The following ZDHHC15 variants were observed in gnomAD, a reference collection of about 807,000 sequenced individuals.
ZDHHC15 encodes the protein palmitoyltransferase ZDHHC15.
A neutral mutation model predicts 31.7 loss-of-function variants in ZDHHC15; 19 were observed. That is an observed-to-expected ratio of 0.60 (90% CI 0.42 to 0.88). ZDHHC15 has a LOEUF of 0.88. ZDHHC15 is among the 40% of genes least tolerant of loss of function. The probability of loss-of-function intolerance (pLI) is 0.00; values close to 1 mark genes in which losing one functional copy is unlikely to be tolerated. For missense variants in ZDHHC15, 209 were observed against 251.2 expected (o/e 0.83, Z 1.14); for synonymous variants, 103 against 90.0 (o/e 1.14, Z -0.82).
At chrX:75,402,472 T>C (rs1361387207) in intron 10 of ZDHHC15, among the ~76,000 whole-genome samples, 1 of 109,964 alleles carries the variant, frequency 9.1e-6, no homozygotes, top group African/African-American at 3.3e-5. Flanking sequence ...TTTTGAAACA[T>C]TAAAAAAATG....
chrX:75,450,798 T>C lies in ZDHHC15; in HGVS notation c.379+4A>G, dbSNP rs1175660982. The C allele has an allele frequency of 8.3e-7, 1 of 1,208,997 alleles. No individual in the cohort carries two copies. The highest frequency in any genetic ancestry group is 1.7e-5 in the African/African-American group (1 of 57,155). ...CCTCTCTAGCTGCCTTTGGATGAAC[T>C]GACCTCCACTTCCAGTTCTTGTGTA... On this transcript the variant is annotated splice_donor_region_variant and intron_variant, in intron 4 of 11. Coordinates refer to ENST00000373367, the MANE Select transcript of ZDHHC15 (RefSeq NM_144969.3).
chrX:75,484,066 G>C (rs2084737933), intron 2 of ZDHHC15, among the ~76,000 whole-genome samples: 1 of 111,955 alleles, frequency 8.9e-6, no homozygotes, highest in South Asian at 3.7e-4. Context: ...AGAAAACTTA[G>C]ATACCATTTG....
intron 10 of ZDHHC15, among the ~76,000 whole-genome samples, chrX:75,399,284 C>A (rs1235605833): frequency 1.8e-5 from 2 of 111,739 alleles, no homozygotes; most frequent in East Asian, 2.8e-4. Context: ...CAACTGAAAG[C>A]AAAGCCTCTT....
At chrX:75,498,451 T>C (rs867885393) in intron 2 of ZDHHC15, among the ~76,000 whole-genome samples, 5 of 111,892 alleles carry the variant, frequency 4.5e-5, no homozygotes, top group Middle Eastern at 4.6e-3. Flanking sequence ...TGTCTGGATA[T>C]AAAATCAGTG....
intron 2 of ZDHHC15, among the ~76,000 whole-genome samples, chrX:75,485,449 A>G (rs1351239994): frequency 9.0e-6 from 1 of 111,103 alleles, no homozygotes; most frequent in African/African-American, 3.3e-5. Flanking sequence ...AAGCAAAATC[A>G]TGACTCTAAA....
intron 10 of ZDHHC15, among the ~76,000 whole-genome samples, chrX:75,391,157 A>T (rs185337238): frequency 1.3e-4 from 15 of 112,076 alleles, no homozygotes; most frequent in East Asian, 8.4e-4. Context: ...AGGACAGGCT[A>T]CTTGAAAATA....
chrX:75,424,223 T>G (rs1241509128), intron 8 of ZDHHC15, among the ~76,000 whole-genome samples: 1 of 111,114 alleles, frequency 9.0e-6, no homozygotes, highest in Non-Finnish European at 1.9e-5. Flanking sequence ...GTTTGGATTT[T>G]TTCTCAGGGC....
intron 10 of ZDHHC15, among the ~76,000 whole-genome samples, chrX:75,407,196 C>A (rs1047890776): frequency 4.6e-5 from 5 of 108,966 alleles, no homozygotes; most frequent in Admixed American, 3.8e-4. Context: ...CATCTGGGAA[C>A]TGAGGAGTGT....
At chrX:75,475,454 C>A (rs1216538651) in intron 3 of ZDHHC15, among the ~76,000 whole-genome samples, 4 of 111,630 alleles carry the variant, frequency 3.6e-5, no homozygotes, top group African/African-American at 1.3e-4. Context: ...TCCAGTTATC[C>A]CAACACCACT....
At chrX:75,408,197 A>G (rs1168024440) in intron 10 of ZDHHC15, among the ~76,000 whole-genome samples, 10 of 90,281 alleles carry the variant, frequency 1.1e-4, no homozygotes, top group African/African-American at 3.7e-4. Context: ...AACACCCAAG[A>G]ATGATCAATA....
chrX:75,523,017 C>G lies in ZDHHC15; in HGVS notation c.8G>C (p.Arg3Pro), dbSNP rs775854139. The G allele has an allele frequency of 8.3e-7, 1 of 1,206,776 alleles. No homozygotes were observed. Among genetic ancestry groups the G allele is most frequent in the African/African-American group, 1.8e-5 (1 of 57,129 alleles). Residue 3 changes from arginine to proline, a missense_variant, in exon 1 of 12, where the codon CGA becomes CCA. Arg to Pro is a moderately radical substitution (Grantham distance 103, BLOSUM62 -2). Coordinates refer to ENST00000373367, the MANE Select transcript of ZDHHC15 (RefSeq NM_144969.3). MR[R>P]GWKMALSGGL... The stretch of plus-strand genomic sequence containing the variant: ...CCCAGACAGAGCCATCTTCCAGCCT[C>G]GCCGCATCTTTGGCTCGAAGATCGA...
chrX:75,443,218 C>A (rs191142627), intron 4 of ZDHHC15, among the ~76,000 whole-genome samples: 82 of 110,121 alleles, frequency 7.4e-4, no homozygotes, highest in Non-Finnish European at 1.3e-3. Flanking sequence ...AACTCTACTA[C>A]AAGGCTACAG....
At chrX:75,457,645 TCACACACACA>T (rs35992807) in intron 3 of ZDHHC15, among the ~76,000 whole-genome samples, 25 of 93,911 alleles carry the variant, frequency 2.7e-4, no homozygotes, top group Non-Finnish European at 1.3e-4. Context: ...TTATTTACAC[TCACACACACA>T]CACACACACA....
At chrX:75,420,560 G>A (rs1003404864) in intron 9 of ZDHHC15, among the ~76,000 whole-genome samples, 1 of 111,432 alleles carries the variant, frequency 9.0e-6, no homozygotes, top group African/African-American at 3.3e-5. Context: ...CAACCCAAAT[G>A]CCCATCAATG....
At chrX:75,444,664 A>G (rs1331359521) in intron 4 of ZDHHC15, among the ~76,000 whole-genome samples, 1 of 78,797 alleles carries the variant, frequency 1.3e-5, no homozygotes, top group African/African-American at 5.3e-5. Flanking sequence ...ATATATATAT[A>G]TATATATATA....
rs1323517167 is a variant in ZDHHC15 at position 75,401,411 on chromosome X, A to G, written c.967+15676T>C. Among the ~76,000 whole-genome samples the G allele has an allele frequency of 3.6e-5, 4 of 112,048 alleles. No homozygotes were observed. The East Asian group carries it at 1.1e-3, about 31-fold the overall frequency. On this transcript the variant is annotated intron_variant, in intron 10 of 11. Transcript: ENST00000373367. ...ATATCAATACTAACCTTGAATGTAA[A>G]TGGGCTAAATGCCCCACTTAAAAGG...
chrX:75,417,202 A>C lies in ZDHHC15; in HGVS notation c.864-12T>G, dbSNP rs1045407921. 2.6e-6 allele frequency: 3 copies of C among 1,138,686 alleles called. No homozygotes were observed. Among genetic ancestry groups the C allele is most frequent in the Non-Finnish European group, 2.4e-6 (2 of 834,890 alleles). 93.8% of individuals were successfully genotyped at this position (1,138,686 alleles called of 1,213,427 possible). ...GTCCATCACCAGGGCTGATGGGAAA[A>C]GAAAGGCAGTGACCTATTGCAGCTG... On this transcript the variant is annotated splice_polypyrimidine_tract_variant and intron_variant, in intron 9 of 11. Transcript: ENST00000373367.
At chrX:75,508,036 A>C (rs1446982066) in intron 1 of ZDHHC15, among the ~76,000 whole-genome samples, 1 of 111,611 alleles carries the variant, frequency 9.0e-6, no homozygotes, top group East Asian at 2.8e-4. Flanking sequence ...AATGTGAGCC[A>C]GGTAGTTTAA....
At chrX:75,458,445 G>T (rs2084259444) in intron 3 of ZDHHC15, among the ~76,000 whole-genome samples, 1 of 111,648 alleles carries the variant, frequency 9.0e-6, no homozygotes, top group Admixed American at 9.6e-5. Flanking sequence ...ACTTAATTCT[G>T]GGAGTAGAGT....
Sources: allele counts gnomAD v4.1 joint callset (sites outside exome capture counted in the v4.1 genomes callset), GRCh38; gene constraint gnomAD v4.1.1; transcripts MANE v1.5; gene names NCBI Gene and HGNC (gene_info 2026-07-23, HGNC 2026-07-21).